The following PTBP2 variants were observed in gnomAD, a reference collection of about 807,000 sequenced individuals.
PTBP2 encodes the protein polypyrimidine tract binding protein 2, also known as polypyrimidine tract-binding protein 2.
In PTBP2, 13 loss-of-function variants were observed where a neutral mutation model predicts 61.4. That is an observed-to-expected ratio of 0.21 (90% CI 0.14 to 0.34). The LOEUF (loss-of-function observed/expected upper bound fraction) is 0.34. PTBP2 is among the 10% of genes least tolerant of loss of function. PTBP2 has a pLI of 1.00. For missense variants in PTBP2, 405 were observed against 642.6 expected, an observed-to-expected ratio of 0.63 and a Z score of 4.00; for synonymous variants, 215 against 218.5, an observed-to-expected ratio of 0.98 and a Z score of 0.14.
rs2100911774 is a variant in PTBP2 at position 96,751,443 on chromosome 1, C to T, written c.58C>T (p.Leu20Phe). 6.2e-7 allele frequency: 1 copy of T among 1,612,746 alleles called. No homozygotes were observed. The highest frequency in any genetic ancestry group is 8.5e-7 in the Non-Finnish European group (1 of 1,179,034). The change falls in exon 3 of 14, where the codon CTC becomes TTC. Residue 20 changes from leucine to phenylalanine, a missense_variant. Leu to Phe is a conservative substitution (Grantham distance 22). This residue lies in a region of PTBP2 where 342 missense variants were observed against 491.2 expected (regional missense o/e 0.70). Coordinates refer to ENST00000674951, the MANE Select transcript of PTBP2 (RefSeq NM_021190.4). ...VGVKRGSDEL[L>F]SGSVLSSPNS... ...TTCATAGAGAGGATCTGACGAACTA[C>T]TCTCAGGCAGTGTTCTCAGTAGTCC...
chr1:96,796,679 G>A (rs1240898645), intron 8 of PTBP2, among the ~76,000 whole-genome samples: 1 of 152,114 alleles, frequency 6.6e-6, no homozygotes, highest in African/African-American at 2.4e-5. Context: ...TGTAAGACTG[G>A]ATTTATCTAA....
At chr1:96,768,939 A>G (rs924162140) in intron 3 of PTBP2, among the ~76,000 whole-genome samples, 1 of 152,012 alleles carries the variant, frequency 6.6e-6, no homozygotes, top group Non-Finnish European at 1.5e-5. Context: ...CAAATCAAAC[A>G]ATTTATAATT....
chr1:96,795,170 T>G (rs748950710), intron 8 of PTBP2, among the ~76,000 whole-genome samples: 1 of 152,160 alleles, frequency 6.6e-6, no homozygotes, highest in Admixed American at 6.5e-5. Flanking sequence ...ACCAATTTAG[T>G]TTTAAGAAAC....
intron 7 of PTBP2, among the ~76,000 whole-genome samples, chr1:96,784,789 C>A (rs758686424): frequency 6.6e-5 from 10 of 151,942 alleles, no homozygotes; most frequent in Non-Finnish European, 1.5e-4. Flanking sequence ...AACCTATTTG[C>A]AATTTTTAAA....
chr1:96,789,025 T>C (rs1659500637), intron 8 of PTBP2, among the ~76,000 whole-genome samples: 1 of 152,070 alleles, frequency 6.6e-6, no homozygotes, highest in Non-Finnish European at 1.5e-5. Flanking sequence ...AGATTATAAA[T>C]TGAGACATCA....
chr1:96,747,512 A>C lies in PTBP2; in HGVS notation c.40-3913A>C, dbSNP rs144102647. ...ATTATTTTTGTGTATTGTATTTAGT[A>C]GGGATCTGGTTTCATTTTTTTGCCC... On this transcript the variant is annotated intron_variant, in intron 2 of 13. Transcript: ENST00000674951. 3.9e-5 allele frequency among the ~76,000 whole-genome samples: 6 copies of C among 152,210 alleles called. No individual in the cohort carries two copies. In the East Asian group the frequency reaches 7.7e-4, roughly 20 times the overall value.
At chr1:96,776,286 GA>G (rs1312504997) in intron 5 of PTBP2, among the ~76,000 whole-genome samples, 3 of 151,906 alleles carry the variant, frequency 2.0e-5, no homozygotes, top group African/African-American at 7.2e-5. Context: ...CATTTGAATA[GA>G]TACTGCTCTA....
chr1:96,725,046 A>G (rs1017064033), intron 2 of PTBP2, among the ~76,000 whole-genome samples: 17 of 152,152 alleles, frequency 1.1e-4, no homozygotes, highest in Non-Finnish European at 1.9e-4. Context: ...CTTTTTGGTG[A>G]TAGTATTTTC....
At chr1:96,723,729 A>G in intron 2 of PTBP2, 135 bp downstream of exon 2, 1 of 717,096 alleles carries the variant, frequency 1.4e-6, no homozygotes, top group Non-Finnish European at 2.3e-6. Context: ...TTCATTTGTA[A>G]AGTTGGACCA....
At chr1:96,807,205 A>G (rs1661580692) in intron 11 of PTBP2, among the ~76,000 whole-genome samples, 1 of 152,218 alleles carries the variant, frequency 6.6e-6, no homozygotes, top group African/African-American at 2.4e-5. Context: ...TTGTAATAAT[A>G]GTTTCACATG....
At chr1:96,765,681 A>T (rs907794939) in intron 3 of PTBP2, among the ~76,000 whole-genome samples, 1 of 151,600 alleles carries the variant, frequency 6.6e-6, no homozygotes, top group Admixed American at 6.6e-5. Flanking sequence ...ACTGCACTCC[A>T]GCCTGGCAAT....
At chr1:96,789,030 A>G (rs1659501176) in intron 8 of PTBP2, among the ~76,000 whole-genome samples, 1 of 152,072 alleles carries the variant, frequency 6.6e-6, no homozygotes, top group East Asian at 1.9e-4. Flanking sequence ...ATAAATTGAG[A>G]CATCATTATA....
intron 8 of PTBP2, among the ~76,000 whole-genome samples, chr1:96,795,246 A>G (rs1018600984): frequency 3.9e-5 from 6 of 152,210 alleles, no homozygotes; most frequent in South Asian, 2.1e-4. Flanking sequence ...GTGGGAGACT[A>G]TTAGTCTAAT....
intron 2 of PTBP2, among the ~76,000 whole-genome samples, chr1:96,746,842 T>TCCCC (rs1653851670): frequency 1.4e-5 from 1 of 70,544 alleles, no homozygotes; most frequent in African/African-American, 6.6e-5. Context: ...TCTGTCTCCC[T>TCCCC]CCCTCCCTCC....
chr1:96,770,593 A>G, intron 4 of PTBP2, 115 bp from the exon 5 acceptor site: 1 of 960,200 alleles, frequency 1.0e-6, no homozygotes, highest in Admixed American at 2.7e-5. Flanking sequence ...AACATTTAAA[A>G]GTAACCTGAA....
intron 7 of PTBP2, among the ~76,000 whole-genome samples, chr1:96,782,737 G>C (rs1658823301): frequency 6.6e-6 from 1 of 151,932 alleles, no homozygotes; most frequent in South Asian, 2.1e-4. Context: ...TGTTAAATCT[G>C]ATCCCCAACA....
intron 2 of PTBP2, among the ~76,000 whole-genome samples, chr1:96,729,077 C>T (rs1651007181): frequency 6.6e-6 from 1 of 152,202 alleles, no homozygotes; most frequent in Non-Finnish European, 1.5e-5. Flanking sequence ...GGCTGGAGTG[C>T]AGTGACGTGA....
intron 3 of PTBP2, among the ~76,000 whole-genome samples, chr1:96,762,972 C>CA (rs1656174934): frequency 6.7e-6 from 1 of 150,158 alleles, no homozygotes; most frequent in South Asian, 2.1e-4. Flanking sequence ...CCCCACATCT[C>CA]AGACGATGGG....
intron 1 of PTBP2, among the ~76,000 whole-genome samples, chr1:96,722,818 A>G (rs1359646601): frequency 2.0e-5 from 3 of 152,186 alleles, no homozygotes; most frequent in African/African-American, 7.2e-5. Flanking sequence ...AGACTGTGAA[A>G]TGGTAGGGAC....
Sources: allele counts gnomAD v4.1 joint callset (sites outside exome capture counted in the v4.1 genomes callset), GRCh38; gene constraint gnomAD v4.1.1; regional missense constraint gnomAD v4.1.1; transcripts MANE v1.5; gene names NCBI Gene and HGNC (gene_info 2026-07-23, HGNC 2026-07-21).